MYO16: variants seen among roughly 807,000 people sequenced by gnomAD.
MYO16 encodes unconventional myosin-XVI.
MYO16 carries 94 observed loss-of-function variants against 205.3 expected under a neutral mutation model. The ratio of observed to expected loss-of-function variants is 0.46; its 90% CI spans 0.39 to 0.54. The LOEUF is 0.54. MYO16 is among the 20% of genes least tolerant of loss of function. The pLI is 0.00. For missense variants in MYO16, 2,315 were observed against 2,387.5 expected, an observed-to-expected ratio of 0.97 and a Z score of 0.63; for synonymous variants, 988 against 954.0, an observed-to-expected ratio of 1.04 and a Z score of -0.66.
At chr13:108,596,477 T>TA (rs547023610) in intron 1 of MYO16, among the ~76,000 whole-genome samples, 63 of 147,026 alleles carry the variant, frequency 4.3e-4, no homozygotes, top group East Asian at 1.6e-3. Context: ...TAATTAAAGC[T>TA]AAAAAAAAAA....
chr13:108,690,404 G>A (rs991088072), intron 2 of MYO16, among the ~76,000 whole-genome samples: 1 of 44,014 alleles, frequency 2.3e-5, no homozygotes, highest in Non-Finnish European at 4.0e-5. Flanking sequence ...GGTACTCAAC[G>A]TCGTGCTGCC....
intron 5 of MYO16, among the ~76,000 whole-genome samples, chr13:108,789,407 C>T (rs1886549819): frequency 6.6e-6 from 1 of 152,118 alleles, no homozygotes; most frequent in East Asian, 1.9e-4. Context: ...TATTAGCCCT[C>T]CCCCTTCATT....
chr13:108,601,108 T>G (rs183898881), intron 1 of MYO16, among the ~76,000 whole-genome samples: 1 of 152,108 alleles, frequency 6.6e-6, no homozygotes, highest in Non-Finnish European at 1.5e-5. Context: ...TTTTGCGAGG[T>G]AGACAGAGAT....
the MYO16 span, among the ~76,000 whole-genome samples, chr13:108,503,354 A>G: frequency 1.8e-4 from 27 of 152,260 alleles, no homozygotes; most frequent in Admixed American, 1.2e-3. Flanking sequence ...GGAGCCGACG[A>G]TATATAGACC....
At chr13:108,705,449 G>A (rs997416577) in intron 2 of MYO16, among the ~76,000 whole-genome samples, 3 of 152,110 alleles carry the variant, frequency 2.0e-5, no homozygotes, top group Admixed American at 1.3e-4. Context: ...ATAAGAGTGA[G>A]CAAAATACAG....
chr13:109,141,313 T>C lies in MYO16; in HGVS notation c.5101T>C (p.Phe1701Leu). ...CCCCCTGGACGAGCTCGCCAGCCTCTTCAACTCGGGGAGGAGTGTGCTTCG... is the reference window on the plus strand; with the variant it reads ...CCCCCTGGACGAGCTCGCCAGCCTCCTCAACTCGGGGAGGAGTGTGCTTCG... Reference protein sequence around the residue: ...SSPLDELASLFNSGRSVLRKS... With the variant: ...SSPLDELASLLNSGRSVLRKS... Residue 1701 changes from phenylalanine to leucine, a missense_variant, in exon 32 of 35, where the codon TTC (phenylalanine) becomes CTC (leucine). Coordinates refer to ENST00000457511, the MANE Select transcript of MYO16 (RefSeq NM_001198950.3). The surrounding 1 kb of genome is among the most constrained non-coding windows in gnomAD (Gnocchi z 4.1). 6.3e-7 allele frequency: 1 copy of C among 1,587,950 alleles called. No homozygotes were observed. The highest frequency in any genetic ancestry group is 1.8e-5 in the Admixed American group (1 of 56,618).
At chr13:108,664,137 T>G (rs1045674795) in intron 1 of MYO16, among the ~76,000 whole-genome samples, 1 of 152,228 alleles carries the variant, frequency 6.6e-6, no homozygotes, top group Non-Finnish European at 1.5e-5. Context: ...TATAGTTAGT[T>G]GATATTTCTC....
In MYO16 at chr13:109,154,152, C is replaced by T. The variant is rs559042610; in HGVS notation, c.5165-10749C>T. Among the ~76,000 whole-genome samples the T allele has an allele frequency of 2.4e-4, 36 of 152,334 alleles. 1 individual carries two copies. Among genetic ancestry groups the T allele is most frequent in the South Asian group, 1.0e-3 (5 of 4,828 alleles). On this transcript the variant is annotated intron_variant, in intron 32 of 34. Transcript: ENST00000457511. ...TTTTAAATTTATTTTTCAAGGCCTC[C>T]GAGCTCCTGGCTGGGAGCCAGTGAG...
At chr13:108,562,633 G>A in the MYO16 span, among the ~76,000 whole-genome samples, 1 of 152,268 alleles carries the variant, frequency 6.6e-6, no homozygotes, top group South Asian at 2.1e-4. Context: ...ACAGTCACAT[G>A]CCACATAATG....
At chr13:108,590,462 T>C in the MYO16 span, among the ~76,000 whole-genome samples, 2 of 152,222 alleles carry the variant, frequency 1.3e-5, no homozygotes, top group Admixed American at 6.5e-5. Context: ...GCTGTGCACA[T>C]TTTGTGTTGA....
At chr13:108,906,596 C>T (rs940785587) in intron 15 of MYO16, among the ~76,000 whole-genome samples, 4 of 152,176 alleles carry the variant, frequency 2.6e-5, no homozygotes, top group Admixed American at 6.5e-5. Context: ...ATGTGAAGAG[C>T]AGCATCCTTT....
rs185660039 is a variant in MYO16, at chr13:108,920,816, C to T, written c.1925+10666C>T. Reference sequence around the variant, plus strand: ...CGTATAAATAAGAGATATTTATTTTCGTATCTTAAATAATGAACCATATGG... The same window carrying T: ...CGTATAAATAAGAGATATTTATTTTTGTATCTTAAATAATGAACCATATGG... On this transcript the variant is annotated intron_variant, in intron 16 of 34. Transcript: ENST00000457511. Among the ~76,000 whole-genome samples, 183 of 152,292 alleles carry T rather than the reference C, an allele frequency of 1.2e-3. 1 individual carries two copies. In the Middle Eastern group the frequency reaches 0.034, roughly 28 times the overall value.
chr13:108,736,545 A>G (rs1024186942), intron 4 of MYO16, among the ~76,000 whole-genome samples: 6 of 151,948 alleles, frequency 3.9e-5, no homozygotes, highest in African/African-American at 1.4e-4. Context: ...GGTTACTATA[A>G]CCTTGTAGTA....
At chr13:108,510,372 G>A in the MYO16 span, among the ~76,000 whole-genome samples, 36 of 148,076 alleles carry the variant, frequency 2.4e-4, no homozygotes, top group Admixed American at 8.7e-4. Context: ...CCTCCTTGGC[G>A]TCCCAAAGTG....
chr13:108,831,412 C>A (rs1876616142), intron 9 of MYO16, among the ~76,000 whole-genome samples: 1 of 152,204 alleles, frequency 6.6e-6, no homozygotes, highest in African/African-American at 2.4e-5. Flanking sequence ...GGACAGATTT[C>A]TCTGGTAAGC....
the MYO16 span, among the ~76,000 whole-genome samples, chr13:108,550,742 A>T: frequency 1.3e-5 from 2 of 152,256 alleles, no homozygotes; most frequent in African/African-American, 4.8e-5. Flanking sequence ...TGGAAAAAAC[A>T]AAACAAAGCA....
the MYO16 span, among the ~76,000 whole-genome samples, chr13:108,557,748 A>G: frequency 2.6e-5 from 4 of 152,200 alleles, no homozygotes. Flanking sequence ...AAAGAGGTCA[A>G]TATTTAGTTC....
intron 16 of MYO16, among the ~76,000 whole-genome samples, chr13:108,957,294 G>C: frequency 7.1e-6 from 1 of 140,748 alleles, no homozygotes; most frequent in Non-Finnish European, 1.5e-5. Context: ...TGAGGCAGGA[G>C]AAACGCTTGA....
At chr13:108,759,663 T>C (rs1165266257) in intron 4 of MYO16, among the ~76,000 whole-genome samples, 3 of 151,644 alleles carry the variant, frequency 2.0e-5, no homozygotes, top group Admixed American at 2.0e-4. Flanking sequence ...CTACTAAAAA[T>C]ACAAAAAATT....
Sources: gnomAD v4.1 joint callset for allele counts (sites outside exome capture counted in the v4.1 genomes callset) on GRCh38, gnomAD v4.1.1 for gene constraint, Gnocchi (gnomAD v3.1) non-coding constraint, MANE v1.5 for transcripts, NCBI Gene and HGNC (gene_info 2026-07-23, HGNC 2026-07-21) for gene names.